The following CLSTN1 variants were observed in gnomAD, a reference collection of about 807,000 sequenced individuals.
CLSTN1 encodes calsyntenin 1.
A neutral mutation model predicts 108.3 loss-of-function variants in CLSTN1; 28 were observed. The observed-to-expected ratio is 0.26, with a 90% CI of 0.19 to 0.35. The LOEUF is 0.35. CLSTN1 is among the 10% of genes least tolerant of loss of function. CLSTN1 has a pLI of 1.00. For synonymous variants in CLSTN1, 524 were observed against 534.9 expected (o/e 0.98, Z 0.28); for missense variants, 1,157 against 1,302.6 (o/e 0.89, Z 1.72).
intron 16 of CLSTN1, among the ~76,000 whole-genome samples, chr1:9,733,150 C>T (rs760584630): frequency 7.9e-5 from 12 of 152,210 alleles, no homozygotes; most frequent in Non-Finnish European, 1.8e-4. Context: ...TAGGCTCCAA[C>T]TCAGGCTGAG....
At position 9,780,851 on chromosome 1, in the gene CLSTN1, G is replaced by A; in HGVS notation, c.92-7457C>T. 2.7e-5 allele frequency: 7 copies of A among 257,116 alleles called. No homozygotes were observed. In the South Asian group the frequency reaches 6.0e-4, roughly 22 times the overall value. 15.9% of individuals were successfully genotyped at this position (257,116 alleles called of 1,614,324 possible). On this transcript the variant is annotated intron_variant, in intron 1 of 18. Coordinates refer to ENST00000377298, the MANE Select transcript of CLSTN1 (RefSeq NM_001009566.3). ...TCCTGCCTCCCTTGGCCTCAGCCATGGCGAGTAGCCGTGGCAGCGAATCCA... is the reference window on the plus strand; with the variant it reads ...TCCTGCCTCCCTTGGCCTCAGCCATAGCGAGTAGCCGTGGCAGCGAATCCA...
At chr1:9,801,536 C>G (rs911580881) in intron 1 of CLSTN1, among the ~76,000 whole-genome samples, 6 of 152,120 alleles carry the variant, frequency 3.9e-5, no homozygotes, top group African/African-American at 1.2e-4. Context: ...CTAACTCATT[C>G]TGTGAGGTCA....
chr1:9,796,692 GA>G (rs932876416), intron 1 of CLSTN1, among the ~76,000 whole-genome samples: 1 of 151,956 alleles, frequency 6.6e-6, no homozygotes, highest in Non-Finnish European at 1.5e-5. Context: ...TCAAAAAAAA[GA>G]AAGAAAAGAA....
At chr1:9,788,468 T>C (rs1653597477) in intron 1 of CLSTN1, among the ~76,000 whole-genome samples, 2 of 150,986 alleles carry the variant, frequency 1.3e-5, no homozygotes, top group Admixed American at 1.3e-4. Flanking sequence ...CTTGGGAGAC[T>C]GAGGCAGGAC....
chr1:9,817,607 T>C (rs1655024366), intron 1 of CLSTN1, among the ~76,000 whole-genome samples: 2 of 152,088 alleles, frequency 1.3e-5, no homozygotes, highest in South Asian at 4.1e-4. Context: ...GGATTACAGT[T>C]GTGAGCCACT....
chr1:9,794,143 G>A (rs111372893), intron 1 of CLSTN1, among the ~76,000 whole-genome samples: 3,301 of 151,526 alleles, frequency 0.022, 154 homozygotes, highest in African/African-American at 0.07. Context: ...GGTAAGTAAC[G>A]CAGGCACTTT....
At chr1:9,813,721 T>A (rs549833646) in intron 1 of CLSTN1, among the ~76,000 whole-genome samples, 1 of 152,270 alleles carries the variant, frequency 6.6e-6, no homozygotes, top group African/African-American at 2.4e-5. Flanking sequence ...GACAACCTTA[T>A]ACAAATCATT....
intron 1 of CLSTN1, among the ~76,000 whole-genome samples, chr1:9,802,445 A>T (rs1368851429): frequency 6.6e-6 from 1 of 152,196 alleles, no homozygotes; most frequent in Non-Finnish European, 1.5e-5. Flanking sequence ...AGATGTTCAC[A>T]TTAAAAAGTG....
At chr1:9,753,342 T>G (rs1651648892) in intron 4 of CLSTN1, among the ~76,000 whole-genome samples, 1 of 152,116 alleles carries the variant, frequency 6.6e-6, no homozygotes. Context: ...GGACCAGTAC[T>G]GGCCCACGTC....
At chr1:9,740,529 T>C (rs567901906) in intron 10 of CLSTN1, among the ~76,000 whole-genome samples, 1 of 152,284 alleles carries the variant, frequency 6.6e-6, no homozygotes, top group African/African-American at 2.4e-5. Flanking sequence ...GCCTGCCACT[T>C]GGTAAGTACA....
In CLSTN1 at chr1:9,735,125, C is replaced by T. The variant is rs377640022; in HGVS notation, c.1933G>A (p.Val645Met). Residue 645 changes from valine to methionine, a missense_variant, in exon 14 of 19, where the codon GTG becomes ATG. Physicochemically the swap from Val to Met is conservative, Grantham distance 21. Transcript: ENST00000377298. ...GGCTCCTCGGGCTGTAAAACCATCA[C>T]GTAGCCATCTACCGGGGGGACCGAA... is the stretch of plus-strand genomic sequence containing the variant. ...CISVPPVDGY[V>M]MVLQPEEPKI... 2.3e-5 allele frequency: 37 copies of T among 1,614,208 alleles called. No individual in the cohort carries two copies. Among genetic ancestry groups the T allele is most frequent in the Middle Eastern group, 1.6e-4 (1 of 6,062 alleles).
chr1:9,738,814 A>G (rs201674771), intron 10 of CLSTN1, among the ~76,000 whole-genome samples: 1 of 152,072 alleles, frequency 6.6e-6, no homozygotes, highest in East Asian at 1.9e-4. Context: ...ACGCCTGGCT[A>G]ATTTTTGTAT....
intron 1 of CLSTN1, among the ~76,000 whole-genome samples, chr1:9,819,830 C>G (rs1403810506): frequency 6.6e-6 from 1 of 152,084 alleles, no homozygotes. Context: ...GGTCTATATT[C>G]GAACGACTTT....
At position 9,823,805 on chromosome 1, in the gene CLSTN1, C is replaced by A. The variant is rs903039139; in HGVS notation, c.-72G>T. ...CGGAGCTCTCGGAGCTCTCGGGGCTCTAGGGGCCTGGGGCTAGCTGCTCCG... is the reference window on the plus strand; with the variant it reads ...CGGAGCTCTCGGAGCTCTCGGGGCTATAGGGGCCTGGGGCTAGCTGCTCCG... On this transcript the variant is annotated 5_prime_UTR_variant, in exon 1 of 19. Transcript: ENST00000377298. The surrounding 1 kb of genome is among the most constrained non-coding windows in gnomAD (Gnocchi z 6.3). 33 of 805,342 alleles carry A rather than the reference C, an allele frequency of 4.1e-5. No individual in the cohort carries two copies. In the African/African-American group the frequency reaches 5.8e-4, roughly 14 times the overall value. The allele number at this position is 805,342 out of a possible 1,614,324, so 49.9% of individuals were successfully genotyped here.
chr1:9,810,542 C>G (rs1570522039), intron 1 of CLSTN1, among the ~76,000 whole-genome samples: 1 of 148,140 alleles, frequency 6.8e-6, no homozygotes, highest in Admixed American at 6.8e-5. Context: ...TGGGAGGCCA[C>G]AGCAGATAGA....
At chr1:9,735,280 G>T in intron 13 of CLSTN1, 106 bp from the exon 14 acceptor site, 1 of 1,385,378 alleles carries the variant, frequency 7.2e-7, no homozygotes, top group Non-Finnish European at 1.0e-6. Flanking sequence ...ACTAACACCT[G>T]CCGGGGCCAC....
At chr1:9,820,535 A>C (rs1220490103) in intron 1 of CLSTN1, among the ~76,000 whole-genome samples, 3 of 148,380 alleles carry the variant, frequency 2.0e-5, no homozygotes, top group Non-Finnish European at 4.5e-5. Flanking sequence ...AAAAACAAAC[A>C]AAAAAAAAAC....
At chr1:9,757,785 G>A (rs1275858721) in intron 2 of CLSTN1, among the ~76,000 whole-genome samples, 1 of 152,112 alleles carries the variant, frequency 6.6e-6, no homozygotes, top group Non-Finnish European at 1.5e-5. Context: ...TACTATGGAG[G>A]AGTGGAAATG....
intron 2 of CLSTN1, among the ~76,000 whole-genome samples, chr1:9,770,526 C>A (rs916057461): frequency 6.6e-6 from 1 of 152,238 alleles, no homozygotes; most frequent in East Asian, 1.9e-4. Context: ...CTCTGCACCC[C>A]CCGACCAGCT....
Sources: allele counts gnomAD v4.1 joint callset (sites outside exome capture counted in the v4.1 genomes callset), GRCh38; gene constraint gnomAD v4.1.1; non-coding constraint Gnocchi (gnomAD v3.1); transcripts MANE v1.5; gene names NCBI Gene and HGNC (gene_info 2026-07-23, HGNC 2026-07-21).